CCSER2: variants seen among roughly 807,000 people sequenced by gnomAD.
CCSER2 encodes coiled-coil serine rich protein 2, also known as serine-rich coiled-coil domain-containing protein 2.
Under a neutral mutation model 92.3 loss-of-function variants are expected in CCSER2, and 46 were observed. The observed-to-expected ratio is 0.50, with a 90% CI of 0.39 to 0.64. The LOEUF is 0.64. CCSER2 is among the 30% of genes least tolerant of loss of function. CCSER2 has a pLI of 0.00. For synonymous variants in CCSER2, 433 were observed against 431.4 expected, an observed-to-expected ratio of 1.00 and a Z score of -0.04; for missense variants, 1,244 against 1,238.9, an observed-to-expected ratio of 1.00 and a Z score of -0.06.
Position 84,425,861 on chromosome 10 carries a change from C to T in CCSER2, c.1836C>T (p.His612=), listed in dbSNP as rs1843405812. ...ATTACCACCTCAGCCACCCTGACCACTATCATCACCATGGAAAAAGTGACT... is the reference window on the plus strand; with the variant it reads ...ATTACCACCTCAGCCACCCTGACCATTATCATCACCATGGAAAAAGTGACT... ...QEHYHLSHPD[H]YHHHGKSDLS... Residue 612 remains histidine, a synonymous_variant, in exon 5 of 10, where the codon CAC becomes CAT. Coordinates refer to ENST00000372088, the MANE Select transcript of CCSER2 (RefSeq NM_001284240.2). 7 of 1,610,120 alleles carry T rather than the reference C, an allele frequency of 4.3e-6. No homozygotes were observed. Among genetic ancestry groups the T allele is most frequent in the African/African-American group, 4.0e-5 (3 of 74,724 alleles).
intron 3 of CCSER2, among the ~76,000 whole-genome samples, chr10:84,414,683 G>A (rs1057457962): frequency 1.3e-5 from 2 of 151,810 alleles, no homozygotes; most frequent in African/African-American, 4.8e-5. Flanking sequence ...TCCTGAATTT[G>A]AATGTTGGCC....
intron 6 of CCSER2, among the ~76,000 whole-genome samples, chr10:84,451,849 C>G (rs1418864116): frequency 6.6e-6 from 1 of 152,168 alleles, no homozygotes; most frequent in African/African-American, 2.4e-5. Flanking sequence ...CACTTCACCT[C>G]TAAAGCGCTT....
At chr10:84,374,133 T>C (rs1292791347) in intron 3 of CCSER2, 1 of 435,288 alleles carries the variant, frequency 2.3e-6, no homozygotes, top group African/African-American at 2.0e-5. Context: ...GGAGGTGGTT[T>C]TGGTTGTCAT....
intron 3 of CCSER2, chr10:84,391,421 G>T (rs1157029903): frequency 5.2e-6 from 8 of 1,544,930 alleles, no homozygotes. Context: ...AATGCTAGAA[G>T]TTCGACAGAG....
At chr10:84,436,061 G>A (rs1447773562) in intron 5 of CCSER2, among the ~76,000 whole-genome samples, 1 of 152,132 alleles carries the variant, frequency 6.6e-6, no homozygotes, top group Non-Finnish European at 1.5e-5. Context: ...CCGGCGCCGT[G>A]GCCGACGCCT....
chr10:84,384,665 A>G (rs1375734299), intron 3 of CCSER2, among the ~76,000 whole-genome samples: 1 of 152,332 alleles, frequency 6.6e-6, no homozygotes, highest in East Asian at 1.9e-4. Flanking sequence ...AGCCAACATC[A>G]TACTGAATAG....
chr10:84,411,704 TG>T (rs1274243053), intron 3 of CCSER2, among the ~76,000 whole-genome samples: 1 of 152,222 alleles, frequency 6.6e-6, no homozygotes, highest in Non-Finnish European at 1.5e-5. Flanking sequence ...TAAGAAGCTT[TG>T]GGGCTAAGAT....
intron 4 of CCSER2, among the ~76,000 whole-genome samples, chr10:84,420,932 C>CAAAAAAAAAA (rs59244448): frequency 1.9e-4 from 16 of 84,788 alleles, no homozygotes; most frequent in Middle Eastern, 9.1e-3. Flanking sequence ...GACTCCATCT[C>CAAAAAAAAAA]AAAAAAAAAA....
intron 4 of CCSER2, among the ~76,000 whole-genome samples, chr10:84,423,137 G>A (rs950938972): frequency 6.0e-5 from 9 of 151,206 alleles, no homozygotes; most frequent in African/African-American, 2.2e-4. Flanking sequence ...CTTCTCTATT[G>A]TTTCAGTTAT....
chr10:84,422,607 G>C (rs1281594066), intron 4 of CCSER2, among the ~76,000 whole-genome samples: 1 of 152,126 alleles, frequency 6.6e-6, no homozygotes, highest in East Asian at 1.9e-4. Flanking sequence ...ATCTGGTTGT[G>C]ATCAGCACAT....
At chr10:84,458,548 C>T (rs2133639062) in intron 6 of CCSER2, among the ~76,000 whole-genome samples, 1 of 152,206 alleles carries the variant, frequency 6.6e-6, no homozygotes, top group South Asian at 2.1e-4. Context: ...AGCAGCGTTT[C>T]TATTTCTACA....
chr10:84,329,816 AGTC>A, intron 1 of CCSER2, among the ~76,000 whole-genome samples: 1 of 152,322 alleles, frequency 6.6e-6, no homozygotes, highest in African/African-American at 2.4e-5. Context: ...GCCTGAAATC[AGTC>A]TTCTTCCTCT....
In CCSER2 at chr10:84,496,663, C is replaced by G. The variant is rs185078416; in HGVS notation, c.2326-16786C>G. ...GTGGTGTTAGGTAGATTACTGGATA[C>G]AAGTTTCCTGCATTGCTAGTCTTCC... On this transcript the variant is annotated intron_variant, in intron 9 of 9. Transcript: ENST00000372088. 9.2e-5 allele frequency among the ~76,000 whole-genome samples: 14 copies of G among 152,296 alleles called. No homozygotes were observed. The East Asian group carries it at 2.5e-3, about 27-fold the overall frequency.
chr10:84,443,777 T>C (rs1844732592), intron 6 of CCSER2, among the ~76,000 whole-genome samples: 1 of 152,028 alleles, frequency 6.6e-6, no homozygotes, highest in African/African-American at 2.4e-5. Flanking sequence ...ATAAAGAAAA[T>C]GTGGCATATA....
At chr10:84,367,409 C>G (rs1009515011) in intron 1 of CCSER2, among the ~76,000 whole-genome samples, 1 of 150,878 alleles carries the variant, frequency 6.6e-6, no homozygotes, top group Non-Finnish European at 1.5e-5. Context: ...CAGGGTCTCA[C>G]TCTTTCAGCC....
intron 6 of CCSER2, among the ~76,000 whole-genome samples, chr10:84,445,792 C>T (rs996693489): frequency 1.3e-5 from 2 of 152,170 alleles, no homozygotes; most frequent in African/African-American, 4.8e-5. Flanking sequence ...GCATCATTCT[C>T]ATTGCTGTAG....
intron 9 of CCSER2, among the ~76,000 whole-genome samples, chr10:84,504,861 G>C (rs556328641): frequency 6.6e-6 from 1 of 152,210 alleles, no homozygotes; most frequent in East Asian, 1.9e-4. Flanking sequence ...ATCAATAAAT[G>C]ATGTAGTAAT....
intron 6 of CCSER2, among the ~76,000 whole-genome samples, chr10:84,443,156 TTAAAC>T (rs1201656449): frequency 1.3e-5 from 2 of 152,068 alleles, no homozygotes; most frequent in African/African-American, 4.8e-5. Context: ...TGGGATCTAA[TTAAAC>T]TAAAGAACTT....
chr10:84,507,211 C>T (rs946755758), intron 9 of CCSER2: 4 of 539,842 alleles, frequency 7.4e-6, no homozygotes, highest in Non-Finnish European at 9.5e-6. Context: ...CCAGTCATGG[C>T]AATCCTTGGT....
Sources: gnomAD v4.1 joint callset for allele counts (sites outside exome capture counted in the v4.1 genomes callset) on GRCh38, gnomAD v4.1.1 for gene constraint, MANE v1.5 for transcripts, NCBI Gene and HGNC (gene_info 2026-07-23, HGNC 2026-07-21) for gene names.